GLIPR2: variants seen among roughly 807,000 people sequenced by gnomAD.
The protein encoded by GLIPR2 is GLI pathogenesis related 2, also known as Golgi-associated plant pathogenesis-related protein 1.
A neutral mutation model predicts 20.4 loss-of-function variants in GLIPR2; 21 were observed. The ratio of observed to expected loss-of-function variants is 1.03; its 90% CI spans 0.73 to 1.48. The LOEUF (loss-of-function observed/expected upper bound fraction) is 1.48, where lower values mean the gene tolerates loss of function less well. Ranked by LOEUF, GLIPR2 falls within the 40% of genes most tolerant of loss-of-function variation. The pLI is 0.00. For synonymous variants in GLIPR2, 91 were observed against 80.5 expected (o/e 1.13, Z -0.70); for missense variants, 205 against 200.1 (o/e 1.02, Z -0.15).
At chr9:36,157,049 C>T (rs890480027) in intron 4 of GLIPR2, among the ~76,000 whole-genome samples, 17 of 152,004 alleles carry the variant, frequency 1.1e-4, no homozygotes, top group African/African-American at 3.6e-4. Flanking sequence ...CGGAGTCTCA[C>T]ACTGTTGCCC....
intron 1 of GLIPR2, among the ~76,000 whole-genome samples, chr9:36,142,738 G>A (rs1298997388): frequency 2.6e-5 from 4 of 152,078 alleles, no homozygotes; most frequent in African/African-American, 7.2e-5. Flanking sequence ...GTATTCTTGG[G>A]TTTTTCTCGG....
At chr9:36,153,655 C>A (rs897543277) in intron 4 of GLIPR2, among the ~76,000 whole-genome samples, 2 of 152,148 alleles carry the variant, frequency 1.3e-5, no homozygotes, top group African/African-American at 4.8e-5. Flanking sequence ...AATCCCTGTA[C>A]TTTGTGAAGC....
chr9:36,158,163 GC>G (rs1825919367), intron 4 of GLIPR2, among the ~76,000 whole-genome samples: 1 of 152,184 alleles, frequency 6.6e-6, no homozygotes, highest in African/African-American at 2.4e-5. Context: ...AGGAGCATGG[GC>G]GTATAAATAT....
At chr9:36,159,798 T>G (rs1031103490) in intron 4 of GLIPR2, among the ~76,000 whole-genome samples, 12 of 151,992 alleles carry the variant, frequency 7.9e-5, no homozygotes, top group African/African-American at 2.9e-4. Context: ...GAAACCCATC[T>G]CTACTAAAAA....
intron 4 of GLIPR2, among the ~76,000 whole-genome samples, chr9:36,159,269 G>A (rs947936987): frequency 1.3e-5 from 2 of 152,162 alleles, no homozygotes; most frequent in African/African-American, 4.8e-5. Context: ...TGGAGCAGTA[G>A]CTTGAAAAGG....
intron 4 of GLIPR2, among the ~76,000 whole-genome samples, chr9:36,152,139 G>A (rs1292484710): frequency 6.6e-6 from 1 of 152,212 alleles, no homozygotes; most frequent in East Asian, 1.9e-4. Context: ...CATCTGCTGA[G>A]GCATTCCTCC....
intron 2 of GLIPR2, 87 bp downstream of exon 2, chr9:36,147,981 C>T (rs1825408314): frequency 1.3e-6 from 1 of 766,686 alleles, no homozygotes. Flanking sequence ...GGCACGATGG[C>T]TCACACCTGT....
intron 4 of GLIPR2, among the ~76,000 whole-genome samples, chr9:36,155,003 C>G (rs1285613601): frequency 6.6e-6 from 1 of 152,100 alleles, no homozygotes; most frequent in Non-Finnish European, 1.5e-5. Flanking sequence ...ACCAGGCTGC[C>G]GAGAGCCTGG....
intron 3 of GLIPR2, among the ~76,000 whole-genome samples, chr9:36,149,183 A>G (rs1825476352): frequency 6.6e-6 from 1 of 152,242 alleles, no homozygotes; most frequent in African/African-American, 2.4e-5. Flanking sequence ...TCGATCTGGA[A>G]TGATCCCACC....
At position 36,141,277 on chromosome 9, in the gene GLIPR2, C is replaced by T. The variant is rs76066468; in HGVS notation, c.13+4486C>T. ...ATCGCATGGCCAGTAAAAGGCAGTG[C>T]GGGGATTTGGCTGTTGAAATTCCCG... On this transcript the variant is annotated intron_variant, in intron 1 of 4. Transcript: ENST00000377960. Among the ~76,000 whole-genome samples, 323 of 151,932 alleles carry T rather than the reference C, an allele frequency of 2.1e-3. 1 individual carries two copies. The highest frequency in any genetic ancestry group is 7.1e-3 in the African/African-American group (293 of 41,434).
chr9:36,155,867 G>A (rs1825806303), intron 4 of GLIPR2, among the ~76,000 whole-genome samples: 4 of 152,038 alleles, frequency 2.6e-5, no homozygotes, highest in Admixed American at 2.0e-4. Context: ...TCATCCAGGA[G>A]CTCCAGACCA....
chr9:36,160,515 AAG>A (rs773405215), intron 4 of GLIPR2, among the ~76,000 whole-genome samples: 1 of 151,968 alleles, frequency 6.6e-6, no homozygotes, highest in Non-Finnish European at 1.5e-5. Flanking sequence ...AGAAGAGAAA[AAG>A]AGAAGAGGAA....
chr9:36,147,036 C>T (rs1458314276), intron 1 of GLIPR2, among the ~76,000 whole-genome samples: 2 of 152,174 alleles, frequency 1.3e-5, no homozygotes, highest in South Asian at 2.1e-4. Context: ...CACCCACCCA[C>T]GTTGAGAGTA....
intron 1 of GLIPR2, among the ~76,000 whole-genome samples, chr9:36,138,771 C>A (rs1038914402): frequency 6.6e-6 from 1 of 152,092 alleles, no homozygotes; most frequent in Non-Finnish European, 1.5e-5. Flanking sequence ...GGAAAATGAT[C>A]CAAACCACAA....
intron 1 of GLIPR2, chr9:36,144,568 G>C (rs1211697634): frequency 2.6e-5 from 4 of 152,220 alleles, no homozygotes. Context: ...CTTAATGCCT[G>C]TCCCCATGAT....
intron 4 of GLIPR2, among the ~76,000 whole-genome samples, chr9:36,157,535 C>T (rs953897962): frequency 1.5e-4 from 23 of 151,304 alleles, no homozygotes; most frequent in African/African-American, 3.9e-4. Flanking sequence ...TTAGTAGAGA[C>T]GGGGTTTCAC....
rs142422641 is a variant in GLIPR2, at chr9:36,160,716, T to C, written c.305-1646T>C. 8.8e-3 allele frequency among the ~76,000 whole-genome samples: 1,336 copies of C among 152,224 alleles called. 22 individuals carry two copies. Among genetic ancestry groups the C allele is most frequent in the African/African-American group, 0.03 (1,242 of 41,534 alleles). On this transcript the variant is annotated intron_variant, in intron 4 of 4. Coordinates refer to ENST00000377960, the MANE Select transcript of GLIPR2 (RefSeq NM_022343.4). ...AGTGAAGGATTGTTAAGCAGGGAAG[T>C]AAATAGATATGATTTATATCTCAGA...
At chr9:36,160,867 C>G (rs1210619979) in intron 4 of GLIPR2, among the ~76,000 whole-genome samples, 1 of 152,008 alleles carries the variant, frequency 6.6e-6, no homozygotes, top group Non-Finnish European at 1.5e-5. Context: ...CATGGTGAAA[C>G]CTTGTCTCTA....
upstream of GLIPR2, chr9:36,136,553 C>T: frequency 2.8e-6 from 1 of 352,452 alleles, no homozygotes; most frequent in Non-Finnish European, 5.1e-6. The surrounding 1 kb of genome is among the most constrained non-coding windows in gnomAD (Gnocchi z 4.3). Flanking sequence ...ATCCGGGGAG[C>T]CCTCGGCAGT....
Sources: allele counts gnomAD v4.1 joint callset (sites outside exome capture counted in the v4.1 genomes callset), GRCh38; gene constraint gnomAD v4.1.1; non-coding constraint Gnocchi (gnomAD v3.1); transcripts MANE v1.5; gene names NCBI Gene and HGNC (gene_info 2026-07-23, HGNC 2026-07-21).